The following DNAH6 variants were observed in gnomAD, a reference collection of about 807,000 sequenced individuals.
The protein encoded by DNAH6 is axonemal beta dynein heavy chain 6.
In DNAH6, 340 loss-of-function variants were observed where a neutral mutation model predicts 491.4. The ratio of observed to expected loss-of-function variants is 0.69; its 90% CI spans 0.63 to 0.76. The LOEUF is 0.76. Among genes scored for constraint, DNAH6 ranks in the 30% least tolerant of loss-of-function variants. DNAH6 has a pLI of 0.00. For missense variants in DNAH6, 4,443 were observed against 4,972.2 expected, an observed-to-expected ratio of 0.89 and a Z score of 3.20; for synonymous variants, 1,603 against 1,686.1, an observed-to-expected ratio of 0.95 and a Z score of 1.21.
Position 84,624,257 on chromosome 2 carries a change from A to T in DNAH6, c.4072-8A>T, listed in dbSNP as rs1287918299. On this transcript the variant is annotated splice_polypyrimidine_tract_variant and splice_region_variant and intron_variant, in intron 26 of 76. Transcript: ENST00000389394. ...AAAATTCACCATGACAATTTTTTTT[A>T]TTTGTAGAGATTAAATGCCCTAGCT... The T allele has an allele frequency of 2.0e-6, 3 of 1,531,604 alleles. No individual in the cohort carries two copies. Among genetic ancestry groups the T allele is most frequent in the Non-Finnish European group, 2.6e-6 (3 of 1,141,140 alleles). The allele number at this position is 1,531,604 out of a possible 1,614,324, so 94.9% of individuals were successfully genotyped here.
rs1227969059 is a variant in DNAH6 at position 84,616,934 on chromosome 2, A to G, written c.3524A>G (p.Gln1175Arg). The G allele has an allele frequency of 1.1e-5, 17 of 1,502,812 alleles. No individual in the cohort carries two copies. Among genetic ancestry groups the G allele is most frequent in the South Asian group, 1.4e-5 (1 of 71,704 alleles). The allele number at this position is 1,502,812 out of a possible 1,614,324, so 93.1% of individuals were successfully genotyped here. A position where few individuals can be genotyped will look rare whatever the true frequency, so the allele number is the denominator to read the frequency against. ...AATAATGCATTACTTGACCAAATTCAGAAGTGCCTAGAGGCATACTTAGAA... is the reference window on the plus strand; with the variant it reads ...AATAATGCATTACTTGACCAAATTCGGAAGTGCCTAGAGGCATACTTAGAA... ...QNNNALLDQI[Q>R]KCLEAYLESK... The change falls in exon 23 of 77, where the codon CAG (glutamine) becomes CGG (arginine). Residue 1175 changes from glutamine to arginine, a missense_variant. Gln to Arg is a conservative substitution (Grantham distance 43, BLOSUM62 1). Transcript: ENST00000389394.
At chr2:84,565,060 A>G (rs1681043773) in intron 11 of DNAH6, among the ~76,000 whole-genome samples, 1 of 152,072 alleles carries the variant, frequency 6.6e-6, no homozygotes, top group Non-Finnish European at 1.5e-5. Context: ...TGGTGTATTA[A>G]CTTTTTGATG....
At chr2:84,484,319 T>A in the DNAH6 span, among the ~76,000 whole-genome samples, 1 of 152,234 alleles carries the variant, frequency 6.6e-6, no homozygotes, top group Non-Finnish European at 1.5e-5. Context: ...TATTTTATAA[T>A]GTACAGGAAT....
At chr2:84,506,454 G>A in the DNAH6 span, among the ~76,000 whole-genome samples, 1 of 152,130 alleles carries the variant, frequency 6.6e-6, no homozygotes, top group Non-Finnish European at 1.5e-5. Flanking sequence ...GTTCATTGTA[G>A]ATTCTGTATA....
rs562186004 is a variant in DNAH6 at position 84,559,295 on chromosome 2, G to C, written c.1803+1360G>C. Among the ~76,000 whole-genome samples, 5 of 152,126 alleles carry C rather than the reference G, an allele frequency of 3.3e-5. No homozygotes were observed. In the East Asian group the frequency reaches 9.6e-4, roughly 29 times the overall value. ...CTACTCAAGATGCCATTAGTTCTGG[G>C]GGAGGAAACAAGGTTAAAAATAAAA... On this transcript the variant is annotated intron_variant, in intron 11 of 76. Coordinates refer to ENST00000389394, the MANE Select transcript of DNAH6 (RefSeq NM_001370.2).
At chr2:84,721,324 C>G (rs1698134424) in intron 59 of DNAH6, among the ~76,000 whole-genome samples, 1 of 152,132 alleles carries the variant, frequency 6.6e-6, no homozygotes, top group African/African-American at 2.4e-5. Context: ...GTTTCCTACT[C>G]AACTCTGCCC....
At chr2:84,461,914 C>T in the DNAH6 span, among the ~76,000 whole-genome samples, 1 of 152,232 alleles carries the variant, frequency 6.6e-6, no homozygotes, top group Middle Eastern at 3.4e-3. Context: ...TGAATTCTCA[C>T]CCCCACATCC....
the DNAH6 span, among the ~76,000 whole-genome samples, chr2:84,480,476 G>A: frequency 6.6e-6 from 1 of 152,100 alleles, no homozygotes; most frequent in Non-Finnish European, 1.5e-5. Context: ...CTTGTAAACA[G>A]GGATAATAAT....
chr2:84,731,738 C>G (rs938158227), intron 61 of DNAH6, among the ~76,000 whole-genome samples: 1 of 152,136 alleles, frequency 6.6e-6, no homozygotes, highest in Non-Finnish European at 1.5e-5. Flanking sequence ...GATGGAATTA[C>G]TGGACAGAGA....
chr2:84,805,554 A>C (rs1242468379), intron 70 of DNAH6, 111 bp from the exon 71 acceptor site: 7 of 968,628 alleles, frequency 7.2e-6, no homozygotes, highest in Non-Finnish European at 1.0e-5. Flanking sequence ...GTGAAAATAA[A>C]TAATATGGTT....
chr2:84,815,377 A>G (rs1000770443), intron 75 of DNAH6, among the ~76,000 whole-genome samples: 2 of 135,402 alleles, frequency 1.5e-5, no homozygotes, highest in South Asian at 2.3e-4. Flanking sequence ...CCACAATTGG[A>G]AAAAAAAAAA....
intron 21 of DNAH6, among the ~76,000 whole-genome samples, chr2:84,608,620 T>A (rs1014041374): frequency 7.9e-5 from 12 of 152,190 alleles, no homozygotes; most frequent in African/African-American, 2.9e-4. Context: ...AATCAGTAAA[T>A]CATGCTGTAA....
intron 61 of DNAH6, 149 bp downstream of exon 61, chr2:84,728,051 A>G: frequency 1.6e-6 from 1 of 619,488 alleles, no homozygotes. Flanking sequence ...TTTCCCCCAT[A>G]CTGTTCTCGT....
At chr2:84,703,363 T>C (rs1359382600) in intron 49 of DNAH6, 32 bp from the exon 50 acceptor site, 1 of 1,439,344 alleles carries the variant, frequency 6.9e-7, no homozygotes, top group African/African-American at 1.4e-5. Flanking sequence ...TTTATAATGC[T>C]CATTATAATA....
intron 18 of DNAH6, among the ~76,000 whole-genome samples, chr2:84,602,482 CTTTTTTTTTTTTTTTT>C (rs3029846): frequency 3.1e-5 from 1 of 32,000 alleles, no homozygotes; most frequent in Non-Finnish European, 5.2e-5. Flanking sequence ...TGTTGTGTCC[CTTTTTTTTTTTTTTTT>C]TTTTTTTTTT....
At position 84,733,497 on chromosome 2, in the gene DNAH6, A is replaced by G; in HGVS notation, c.10260A>G (p.Ala3420=). 6.4e-7 allele frequency: 1 copy of G among 1,551,552 alleles called. No individual in the cohort carries two copies. Among genetic ancestry groups the G allele is most frequent in the Non-Finnish European group, 8.7e-7 (1 of 1,146,836 alleles). The change falls in exon 62 of 77, where the codon GCA becomes GCG. Residue 3420 remains alanine, a synonymous_variant. Transcript: ENST00000389394. ...APWLPTATWF[A]CCDLEESFPV... ...GGCTACCTACTGCTACATGGTTCGC[A>G]TGCTGTGACTTGGAAGAATCATTTC... is the stretch of plus-strand genomic sequence containing the variant.
chr2:84,569,699 T>C lies in DNAH6; in HGVS notation c.1804-3768T>C, dbSNP rs561049441. Among the ~76,000 whole-genome samples, 205 of 152,286 alleles carry C rather than the reference T, an allele frequency of 1.3e-3. 1 individual carries two copies. The South Asian group carries it at 0.018, about 14-fold the overall frequency. ...TGAACTCTAGTTAGTAGGTTTGTTT[T>C]TTGCAGTGGTATTAGTGTATTCGCA... On this transcript the variant is annotated intron_variant, in intron 11 of 76. Coordinates refer to ENST00000389394, the MANE Select transcript of DNAH6 (RefSeq NM_001370.2).
intron 59 of DNAH6, among the ~76,000 whole-genome samples, chr2:84,722,061 T>C (rs983719469): frequency 6.6e-6 from 1 of 152,208 alleles, no homozygotes; most frequent in African/African-American, 2.4e-5. Flanking sequence ...AAAGCATCGC[T>C]AACTCATTTG....
intron 11 of DNAH6, among the ~76,000 whole-genome samples, chr2:84,561,589 T>A (rs1680681940): frequency 6.6e-6 from 1 of 152,082 alleles, no homozygotes; most frequent in Non-Finnish European, 1.5e-5. Context: ...GAAACTACCA[T>A]CAGAGTGAAC....
Sources: gnomAD v4.1 joint callset for allele counts (sites outside exome capture counted in the v4.1 genomes callset) on GRCh38, gnomAD v4.1.1 for gene constraint, MANE v1.5 for transcripts, NCBI Gene and HGNC (gene_info 2026-07-23, HGNC 2026-07-21) for gene names.